The following PHACTR3 variants were observed in gnomAD, a reference collection of about 807,000 sequenced individuals.
PHACTR3 encodes the protein protein phosphatase 1, regulatory subunit 123.
A neutral mutation model predicts 66.8 loss-of-function variants in PHACTR3; 16 were observed. That is an observed-to-expected ratio of 0.24 (90% CI 0.16 to 0.36). The LOEUF (loss-of-function observed/expected upper bound fraction) is 0.36, where lower values mean the gene tolerates loss of function less well. Ranked by LOEUF, PHACTR3 falls within the 10% of genes least tolerant of loss-of-function variation. The pLI is 1.00. For synonymous variants in PHACTR3, 323 were observed against 292.1 expected (o/e 1.11, Z -1.08); for missense variants, 647 against 719.9 (o/e 0.90, Z 1.16).
At chr20:59,594,056 A>G (rs187684508) in intron 1 of PHACTR3, among the ~76,000 whole-genome samples, 4 of 152,344 alleles carry the variant, frequency 2.6e-5, no homozygotes, top group Admixed American at 2.6e-4. Flanking sequence ...CTGAGATTGC[A>G]TTGAATTTAC....
chr20:59,687,022 A>ATTG (rs1213654274), intron 1 of PHACTR3, among the ~76,000 whole-genome samples: 1 of 144,744 alleles, frequency 6.9e-6, no homozygotes, highest in Non-Finnish European at 1.5e-5. Flanking sequence ...GATGGTGGTG[A>ATTG]TGATGATGGT....
chr20:59,752,634 T>C (rs2039638768), intron 3 of PHACTR3, among the ~76,000 whole-genome samples: 1 of 121,152 alleles, frequency 8.3e-6, no homozygotes. Context: ...GCATGGTGCT[T>C]TTCTGAGTCT....
At chr20:59,752,552 A>G (rs1392587559) in intron 3 of PHACTR3, among the ~76,000 whole-genome samples, 1 of 25,354 alleles carries the variant, frequency 3.9e-5, no homozygotes, top group Non-Finnish European at 1.1e-4. Context: ...ACCGCAGCCC[A>G]GAGAAGTCCT....
intron 3 of PHACTR3, among the ~76,000 whole-genome samples, chr20:59,750,341 G>T (rs1036797872): frequency 1.3e-5 from 2 of 152,130 alleles, no homozygotes; most frequent in African/African-American, 2.4e-5. Context: ...CACCGCTCAG[G>T]CAGCAGTTAA....
upstream of PHACTR3, among the ~76,000 whole-genome samples, chr20:59,601,493 C>A (rs1479574371): frequency 2.6e-5 from 4 of 152,206 alleles, no homozygotes; most frequent in African/African-American, 9.7e-5. Context: ...TCAGGAGGGA[C>A]AATTGGTGAC....
At chr20:59,699,442 GT>G (rs1466940058) in intron 1 of PHACTR3, among the ~76,000 whole-genome samples, 9 of 152,178 alleles carry the variant, frequency 5.9e-5, no homozygotes, top group African/African-American at 2.2e-4. Flanking sequence ...TTCTAGTTTT[GT>G]TTACTCCAGT....
chr20:59,794,707 A>G (rs968186684), intron 7 of PHACTR3, among the ~76,000 whole-genome samples: 3 of 152,144 alleles, frequency 2.0e-5, no homozygotes, highest in Non-Finnish European at 2.9e-5. Flanking sequence ...TACTGACTCA[A>G]TCTCCTTACT....
At chr20:59,806,766 G>T (rs544251667) in intron 8 of PHACTR3, among the ~76,000 whole-genome samples, 1 of 152,150 alleles carries the variant, frequency 6.6e-6, no homozygotes, top group Non-Finnish European at 1.5e-5. Context: ...ATCACAGAGC[G>T]CACTACACAA....
At chr20:59,731,504 G>C (rs962096953) in intron 1 of PHACTR3, among the ~76,000 whole-genome samples, 14 of 152,124 alleles carry the variant, frequency 9.2e-5, no homozygotes, top group Non-Finnish European at 5.9e-5. Flanking sequence ...AAATTCTATA[G>C]AGCATTTTCA....
At position 59,773,413 on chromosome 20, in the gene PHACTR3, G is replaced by A; in HGVS notation, c.886G>A (p.Glu296Lys). 6.2e-7 allele frequency: 1 copy of A among 1,613,936 alleles called. No individual in the cohort carries two copies. Among genetic ancestry groups the A allele is most frequent in the Non-Finnish European group, 8.5e-7 (1 of 1,179,970 alleles). The change falls in exon 6 of 13, where the codon GAG (glutamate) becomes AAG (lysine). Residue 296 changes from glutamate (E) to lysine (K), a missense_variant. By Grantham distance (56) the Glu-to-Lys change is moderately conservative (BLOSUM62 1). Around this residue, in one of 2 missense-constraint regions of PHACTR3, gnomAD observed 577 missense variants for 571.1 expected, o/e 1.01. Coordinates refer to ENST00000371015, the MANE Select transcript of PHACTR3 (RefSeq NM_080672.5). The stretch of plus-strand genomic sequence containing the variant: ...TCTTCCCCCAAGCCGCGTCATTGAG[G>A]AGCTGCACAGGGCGCTGGCCACGAA... ...RPLPPSRVIE[E>K]LHRALATKHR...
chr20:59,652,757 C>T (rs368128078), intron 1 of PHACTR3, among the ~76,000 whole-genome samples: 5 of 151,968 alleles, frequency 3.3e-5, no homozygotes, highest in East Asian at 3.9e-4. Flanking sequence ...CTTGTAGACA[C>T]GTCCACAATC....
At chr20:59,737,109 C>CA (rs1241962911) in intron 1 of PHACTR3, among the ~76,000 whole-genome samples, 1 of 152,186 alleles carries the variant, frequency 6.6e-6, no homozygotes, top group African/African-American at 2.4e-5. Flanking sequence ...CCTGCCTCCC[C>CA]AGCACATCCA....
intron 7 of PHACTR3, among the ~76,000 whole-genome samples, chr20:59,805,014 A>C (rs548013354): frequency 3.5e-4 from 53 of 152,340 alleles, no homozygotes; most frequent in African/African-American, 1.2e-3. Flanking sequence ...GCAAAACTGC[A>C]ACCTACATCG....
intron 3 of PHACTR3, 90 bp from the exon 4 acceptor site, chr20:59,755,092 A>T: frequency 7.4e-7 from 1 of 1,352,596 alleles, no homozygotes; most frequent in Non-Finnish European, 1.0e-6. Flanking sequence ...CAGAGCCTAG[A>T]ATGGATACTT....
At chr20:59,734,248 C>T (rs1309243822) in intron 1 of PHACTR3, among the ~76,000 whole-genome samples, 1 of 152,134 alleles carries the variant, frequency 6.6e-6, no homozygotes, top group South Asian at 2.1e-4. Flanking sequence ...TTTTCATTTA[C>T]GAATGTAGAA....
intron 7 of PHACTR3, among the ~76,000 whole-genome samples, chr20:59,778,173 G>T (rs965728803): frequency 7.9e-5 from 12 of 152,128 alleles, no homozygotes; most frequent in Admixed American, 2.6e-4. Context: ...CGGTCTCTCT[G>T]TGCCACCATT....
At chr20:59,783,244 G>A (rs947893415) in intron 7 of PHACTR3, among the ~76,000 whole-genome samples, 1 of 152,170 alleles carries the variant, frequency 6.6e-6, no homozygotes, top group Non-Finnish European at 1.5e-5. Context: ...ACCAGATGGC[G>A]CTGGAGATGC....
chr20:59,578,602 C>T (rs950485669), intron 1 of PHACTR3, among the ~76,000 whole-genome samples: 14 of 152,246 alleles, frequency 9.2e-5, no homozygotes, highest in Admixed American at 7.8e-4. Context: ...CCTGGGGGAA[C>T]GCCACTGGCA....
At chr20:59,637,853 A>G (rs1019551393) in intron 1 of PHACTR3, among the ~76,000 whole-genome samples, 3 of 152,046 alleles carry the variant, frequency 2.0e-5, no homozygotes, top group Admixed American at 2.0e-4. Flanking sequence ...GGTGGCTACC[A>G]TTTTTCTTGA....
Sources: gnomAD v4.1 joint callset for allele counts (sites outside exome capture counted in the v4.1 genomes callset) on GRCh38, gnomAD v4.1.1 for gene constraint, gnomAD v4.1.1 regional missense constraint, MANE v1.5 for transcripts, NCBI Gene and HGNC (gene_info 2026-07-23, HGNC 2026-07-21) for gene names.